The following DENND2A variants were observed in gnomAD, a reference collection of about 807,000 sequenced individuals.
DENND2A encodes DENN domain containing 2A.
In DENND2A, 53 loss-of-function variants were observed where a neutral mutation model predicts 105.3. That is an observed-to-expected ratio of 0.50 (90% CI 0.40 to 0.63). The LOEUF (loss-of-function observed/expected upper bound fraction) is 0.63, where lower values mean the gene tolerates loss of function less well. DENND2A is among the 30% of genes least tolerant of loss of function. The pLI is 0.00. For synonymous variants in DENND2A, 522 were observed against 508.4 expected (o/e 1.03, Z -0.36); for missense variants, 1,138 against 1,279.6 (o/e 0.89, Z 1.69).
In DENND2A at chr7:140,613,390, A is replaced by G. The variant is rs1025157339; in HGVS notation, c.-247-7584T>C. Among the ~76,000 whole-genome samples, 5 of 151,566 alleles carry G rather than the reference A, an allele frequency of 3.3e-5. No individual in the cohort carries two copies. The South Asian group carries it at 8.3e-4, about 25-fold the overall frequency. ...CCCCATCTCTACTAAAAATAGAAAA[A>G]TTAGCCGAGCGTGGTGGTGTGCACC... On this transcript the variant is annotated intron_variant, in intron 1 of 19. Transcript: ENST00000496613.
intron 12 of DENND2A, among the ~76,000 whole-genome samples, chr7:140,555,135 CTT>C (rs11308626): frequency 0.019 from 2,267 of 118,430 alleles, 28 homozygotes; most frequent in African/African-American, 0.046. Flanking sequence ...TTCATTAACT[CTT>C]TTTTTTTTTT....
chr7:140,563,406 T>G (rs1797708239), intron 9 of DENND2A, among the ~76,000 whole-genome samples: 1 of 152,090 alleles, frequency 6.6e-6, no homozygotes. Context: ...TAATCACAGA[T>G]GGCTGGAAAA....
chr7:140,532,264 G>A (rs779666982), intron 14 of DENND2A, among the ~76,000 whole-genome samples: 23 of 152,062 alleles, frequency 1.5e-4, no homozygotes, highest in South Asian at 4.1e-4. Flanking sequence ...GTGAGACTCC[G>A]TCTCAAAAAA....
intron 16 of DENND2A, among the ~76,000 whole-genome samples, chr7:140,524,973 C>A (rs561233759): frequency 1.3e-5 from 2 of 150,586 alleles, no homozygotes; most frequent in South Asian, 4.2e-4. Flanking sequence ...GCAAGCTCCA[C>A]CTCCTGGGTT....
chr7:140,555,471 A>G (rs1797322023), intron 12 of DENND2A, among the ~76,000 whole-genome samples, 165 bp downstream of exon 12: 1 of 152,046 alleles, frequency 6.6e-6, no homozygotes, highest in African/African-American at 2.4e-5. Context: ...TCCTGAACCA[A>G]TGGTGAGAGA....
chr7:140,639,934 C>T (rs1323744555), intron 1 of DENND2A, among the ~76,000 whole-genome samples: 1 of 152,226 alleles, frequency 6.6e-6, no homozygotes, highest in Non-Finnish European at 1.5e-5. Context: ...TCCAGACTTC[C>T]CCTGGGCTCC....
At chr7:140,618,117 G>C (rs889634625) in intron 1 of DENND2A, among the ~76,000 whole-genome samples, 4 of 152,148 alleles carry the variant, frequency 2.6e-5, no homozygotes, top group Non-Finnish European at 5.9e-5. Context: ...CAGTCCTCCA[G>C]AGTTAATGCT....
At chr7:140,595,645 T>C (rs187192808) in intron 3 of DENND2A, among the ~76,000 whole-genome samples, 2 of 152,096 alleles carry the variant, frequency 1.3e-5, no homozygotes, top group African/African-American at 4.8e-5. Flanking sequence ...GGCATGTGCC[T>C]GTGGTCGCAA....
chr7:140,592,327 C>A (rs2130663515), intron 3 of DENND2A, among the ~76,000 whole-genome samples: 1 of 151,874 alleles, frequency 6.6e-6, no homozygotes, highest in Middle Eastern at 3.4e-3. Flanking sequence ...CTGCCTCAGG[C>A]TCTCGAGTAG....
At chr7:140,556,764 T>C (rs1175342286) in intron 11 of DENND2A, among the ~76,000 whole-genome samples, 1 of 152,248 alleles carries the variant, frequency 6.6e-6, no homozygotes, top group Non-Finnish European at 1.5e-5. Flanking sequence ...ACACCTACTA[T>C]GTGCCACGCA....
rs745673798 is a variant in DENND2A, at chr7:140,521,854, C to A, written c.2911+1G>T. 6.2e-7 allele frequency: 1 copy of A among 1,613,838 alleles called. No homozygotes were observed. The highest frequency in any genetic ancestry group is 8.5e-7 in the Non-Finnish European group (1 of 1,179,940). ...GCCCCAACAGAGAAGATGCCCCTCA[C>A]CTTTGGCATCCTGCCGGCGCAGCTC... is the stretch of plus-strand genomic sequence containing the variant. On this transcript the variant is annotated splice_donor_variant, in intron 18 of 19. Coordinates refer to ENST00000496613, the MANE Select transcript of DENND2A (RefSeq NM_015689.5). LOFTEE classifies it high-confidence loss of function.
intron 14 of DENND2A, among the ~76,000 whole-genome samples, chr7:140,531,286 G>A (rs1445518152): frequency 1.3e-5 from 2 of 152,166 alleles, no homozygotes; most frequent in East Asian, 1.9e-4. Context: ...TGCTATGCTC[G>A]TGTGCTATGG....
chr7:140,631,670 G>T (rs1203221903), intron 1 of DENND2A, among the ~76,000 whole-genome samples: 1 of 152,142 alleles, frequency 6.6e-6, no homozygotes, highest in Non-Finnish European at 1.5e-5. Flanking sequence ...CACAAATACA[G>T]ATGATGAAAT....
intron 5 of DENND2A, among the ~76,000 whole-genome samples, chr7:140,582,716 C>T (rs1456617322): frequency 6.6e-6 from 1 of 152,140 alleles, no homozygotes; most frequent in African/African-American, 2.4e-5. Flanking sequence ...GGAGACAGCC[C>T]CACCTGCCAG....
chr7:140,592,628 C>T lies in DENND2A; in HGVS notation c.996-4848G>A, dbSNP rs527907368. Among the ~76,000 whole-genome samples, 54 of 150,756 alleles carry T rather than the reference C, an allele frequency of 3.6e-4. 1 individual carries two copies. The highest frequency in any genetic ancestry group is 1.3e-3 in the African/African-American group (53 of 40,782). The stretch of plus-strand genomic sequence containing the variant: ...TTTTTTTCTTTTTTTGAGACAGAGT[C>T]TGGCTCTGTCGCCCAGGCCGGAAGG... On this transcript the variant is annotated intron_variant, in intron 3 of 19. Coordinates refer to ENST00000496613, the MANE Select transcript of DENND2A (RefSeq NM_015689.5).
rs768941174 is a variant in DENND2A at position 140,523,273 on chromosome 7, G to T, written c.2665+34C>A. ...TGTTCCCTGACCCTCAGAGTGGAAG[G>T]GAGAGACCCACTGGGAGGTGGCTGA... On this transcript the variant is annotated intron_variant, in intron 17 of 19. Transcript: ENST00000496613. This position sits in a 1 kb window ranked among gnomAD's most constrained non-coding sequence, Gnocchi z 4.5. The T allele has an allele frequency of 6.2e-7, 1 of 1,601,606 alleles. No homozygotes were observed. The highest frequency in any genetic ancestry group is 2.2e-5 in the East Asian group (1 of 44,786).
chr7:140,589,138 G>A (rs1326422997), intron 3 of DENND2A, among the ~76,000 whole-genome samples: 1 of 152,182 alleles, frequency 6.6e-6, no homozygotes, highest in African/African-American at 2.4e-5. Context: ...ATTAGGGTCT[G>A]ACCGCAGGAA....
At chr7:140,528,830 T>C (rs1796154062) in intron 14 of DENND2A, among the ~76,000 whole-genome samples, 1 of 151,332 alleles carries the variant, frequency 6.6e-6, no homozygotes, top group Non-Finnish European at 1.5e-5. Context: ...ATAATAACAT[T>C]GGGAGAGGCC....
rs752856607 is a variant in DENND2A at position 140,521,917 on chromosome 7, A to G, written c.2849T>C (p.Met950Thr). The G allele has an allele frequency of 2.5e-6, 4 of 1,614,208 alleles. No homozygotes were observed. Among genetic ancestry groups the G allele is most frequent in the Non-Finnish European group, 3.4e-6 (4 of 1,180,040 alleles). ...KSLRHFLEVF[M>T]ETQMFRGFIQ... ...GAAGCCCCGAAACATCTGAGTCTCCATGAAGACCTCCAGGAAGTGGCGGAG... is the reference window on the plus strand; with the variant it reads ...GAAGCCCCGAAACATCTGAGTCTCCGTGAAGACCTCCAGGAAGTGGCGGAG... The change falls in exon 18 of 20, where the codon ATG becomes ACG. Residue 950 changes from methionine to threonine, a missense_variant. Physicochemically the swap from Met to Thr is moderately conservative, Grantham distance 81 (BLOSUM62 -1). This residue lies in a region of DENND2A where 627 missense variants were observed against 779.8 expected (regional missense o/e 0.80). Coordinates refer to ENST00000496613, the MANE Select transcript of DENND2A (RefSeq NM_015689.5).
Sources: allele counts gnomAD v4.1 joint callset (sites outside exome capture counted in the v4.1 genomes callset), GRCh38; gene constraint gnomAD v4.1.1; regional missense constraint gnomAD v4.1.1; non-coding constraint Gnocchi (gnomAD v3.1); transcripts MANE v1.5; gene names NCBI Gene and HGNC (gene_info 2026-07-23, HGNC 2026-07-21).